Variants in LUC7L observed in about 807,000 individuals in gnomAD.
The protein encoded by LUC7L is LUC7 like, also known as putative RNA-binding protein Luc7-like 1.
In LUC7L, 29 loss-of-function variants were observed where a neutral mutation model predicts 51.1. The observed-to-expected ratio is 0.57, with a 90% CI of 0.42 to 0.77. The LOEUF (loss-of-function observed/expected upper bound fraction) is 0.77, where lower values mean the gene tolerates loss of function less well. Among genes scored for constraint, LUC7L ranks in the 30% least tolerant of loss-of-function variants. The pLI, the probability that LUC7L is intolerant of heterozygous loss-of-function variation, is 0.00. For synonymous variants in LUC7L, 181 were observed against 180.7 expected (o/e 1.00, Z -0.01); for missense variants, 403 against 511.9 (o/e 0.79, Z 2.05).
At chr16:190,433 C>G in intron 8 of LUC7L, 108 bp downstream of exon 8, 2 of 1,234,876 alleles carry the variant, frequency 1.6e-6, no homozygotes, top group Non-Finnish European at 2.4e-6. Context: ...CTTCACAAGC[C>G]AGCCCTACCT....
chr16:199,135 C>A lies in LUC7L; in HGVS notation c.614G>T (p.Arg205Leu), dbSNP rs1232659702. The stretch of plus-strand genomic sequence containing the variant: ...CTTGCCACCGAAGTGGTCTGCCAGG[C>A]GACGGTCATTGTCATGGAGACCAAG... Reference protein sequence around the residue: ...AYLGLHDNDRRLADHFGGKLH... With the variant: ...AYLGLHDNDRLLADHFGGKLH... Residue 205 changes from arginine to leucine, a missense_variant, in exon 6 of 10, where the codon CGC (arginine) becomes CTC (leucine). Transcript: ENST00000293872. 6.2e-7 allele frequency: 1 copy of A among 1,613,658 alleles called. No individual in the cohort carries two copies. The highest frequency in any genetic ancestry group is 1.3e-5 in the African/African-American group (1 of 74,922).
rs749893732 is a variant in LUC7L, at chr16:227,298, G to A, written c.100C>T (p.Arg34Cys). 15 of 1,612,174 alleles carry A rather than the reference G, an allele frequency of 9.3e-6. No individual in the cohort carries two copies. Among genetic ancestry groups the A allele is most frequent in the African/African-American group, 1.3e-5 (1 of 74,848 alleles). The change falls in exon 2 of 10, where the codon CGT becomes TGT. Residue 34 changes from arginine to cysteine, a missense_variant. This residue lies in a region of LUC7L where 182 missense variants were observed against 248.4 expected (regional missense o/e 0.73). Transcript: ENST00000293872. ...TCCAGAAGGTGACTCTTGCAGACACGGTCATCTGTAAACTTGACCCTCTGT... is the reference window on the plus strand; with the variant it reads ...TCCAGAAGGTGACTCTTGCAGACACAGTCATCTGTAAACTTGACCCTCTGT... ...TRQRVKFTDD[R>C]VCKSHLLDCC...
In LUC7L at chr16:190,540, C is replaced by A; in HGVS notation, c.806+1G>T. On this transcript the variant is annotated splice_donor_variant, in intron 8 of 9. Coordinates refer to ENST00000293872, the MANE Select transcript of LUC7L (RefSeq NM_201412.3). LOFTEE classifies it high-confidence loss of function. ...ACATTTTAATGGACCTGGAAACCTACCTCCTGCGATCTCTGGTTCTTGATC... is the reference window on the plus strand; with the variant it reads ...ACATTTTAATGGACCTGGAAACCTAACTCCTGCGATCTCTGGTTCTTGATC... 6.2e-7 allele frequency: 1 copy of A among 1,613,810 alleles called. No individual in the cohort carries two copies. Among genetic ancestry groups the A allele is most frequent in the Non-Finnish European group, 8.5e-7 (1 of 1,179,986 alleles).
Position 228,275 on chromosome 16 carries a change from T to C in LUC7L, c.62-939A>G, listed in dbSNP as rs1406963710. 4.6e-6 allele frequency: 6 copies of C among 1,301,678 alleles called. No homozygotes were observed. The East Asian group carries it at 2.2e-4, about 48-fold the overall frequency. The allele number at this position is 1,301,678 out of a possible 1,614,324, so 80.6% of individuals were successfully genotyped here. A position where few individuals can be genotyped will look rare whatever the true frequency, so the allele number is the denominator to read the frequency against. On this transcript the variant is annotated intron_variant, in intron 1 of 9. Coordinates refer to ENST00000293872, the MANE Select transcript of LUC7L (RefSeq NM_201412.3). The stretch of plus-strand genomic sequence containing the variant: ...TCTAAACTACACTTTTAAAGTTACT[T>C]GTGAAAAAAAGCAAACACTTTTTTG...
chr16:226,127 C>T (rs1354425015), intron 2 of LUC7L, among the ~76,000 whole-genome samples: 3 of 152,168 alleles, frequency 2.0e-5, no homozygotes, highest in Non-Finnish European at 4.4e-5. Context: ...GACAACACCC[C>T]AAGGAACAGA....
chr16:229,403 C>G lies in LUC7L; in HGVS notation c.-64G>C. ...TCTCTCAGGCAGGCGGTGGCAGCGGCGTCGACAAACGATGGTCGCGTCGGC... is the reference window on the plus strand; with the variant it reads ...TCTCTCAGGCAGGCGGTGGCAGCGGGGTCGACAAACGATGGTCGCGTCGGC... On this transcript the variant is annotated 5_prime_UTR_variant, in exon 1 of 10. Transcript: ENST00000293872. The G allele has an allele frequency of 7.3e-7, 1 of 1,370,320 alleles. No individual in the cohort carries two copies. The highest frequency in any genetic ancestry group is 9.6e-7 in the Non-Finnish European group (1 of 1,038,658). 84.9% of individuals were successfully genotyped at this position (1,370,320 alleles called of 1,614,324 possible).
chr16:212,822 G>C (rs1472501145), intron 3 of LUC7L, among the ~76,000 whole-genome samples: 2 of 151,396 alleles, frequency 1.3e-5, no homozygotes, highest in East Asian at 3.9e-4. Context: ...CTGTCACCCA[G>C]GCTAGAATAC....
chr16:202,788 C>A (rs1295953484), intron 5 of LUC7L, among the ~76,000 whole-genome samples: 1 of 151,916 alleles, frequency 6.6e-6, no homozygotes, highest in Non-Finnish European at 1.5e-5. Context: ...AGGAATAATA[C>A]AAACAACTCT....
chr16:199,468 T>C (rs999328714), intron 5 of LUC7L, among the ~76,000 whole-genome samples: 2 of 152,118 alleles, frequency 1.3e-5, no homozygotes, highest in African/African-American at 2.4e-5. Flanking sequence ...GGGCGGACCA[T>C]GTGGTCAAGA....
rs1330534534 is a variant in LUC7L at position 199,098 on chromosome 16, C to A, written c.651G>T (p.Gly217=). 1 of 1,613,348 alleles carries A rather than the reference C, an allele frequency of 6.2e-7. No individual in the cohort carries two copies. The highest frequency in any genetic ancestry group is 1.3e-5 in the African/African-American group (1 of 74,930). The part of the protein sequence containing the change: ...ADHFGGKLHL[G]FIQIREKLDQ... The stretch of plus-strand genomic sequence containing the variant: ...CAAGCTTCTCTCGGATCTGAATGAA[C>A]CCCAAGTGTAACTTGCCACCGAAGT... Residue 217 remains glycine (G), a synonymous_variant, in exon 6 of 10, where the codon GGG becomes GGT. Transcript: ENST00000293872.
chr16:197,997 G>A (rs958559886), intron 6 of LUC7L, among the ~76,000 whole-genome samples: 7 of 152,062 alleles, frequency 4.6e-5, no homozygotes, highest in East Asian at 1.9e-4. Flanking sequence ...GGCCGGGTGC[G>A]GTGGCTCACG....
chr16:227,989 A>C (rs542443018), intron 1 of LUC7L: 2 of 1,107,912 alleles, frequency 1.8e-6, no homozygotes, highest in South Asian at 4.6e-5. Context: ...TACTGTACCC[A>C]TCTGCATTCT....
chr16:204,169 C>T (rs535013810), intron 5 of LUC7L, among the ~76,000 whole-genome samples: 4 of 151,964 alleles, frequency 2.6e-5, no homozygotes, highest in East Asian at 1.9e-4. Flanking sequence ...AATGGCCTGG[C>T]GAAGTGGCTC....
At chr16:218,765 C>T (rs935989690) in intron 3 of LUC7L, among the ~76,000 whole-genome samples, 1 of 151,056 alleles carries the variant, frequency 6.6e-6, no homozygotes, top group Non-Finnish European at 1.5e-5. Flanking sequence ...CTGGGGGCAA[C>T]AACGAAAAAA....
intron 3 of LUC7L, among the ~76,000 whole-genome samples, chr16:212,797 C>T (rs77006092): frequency 1.3e-5 from 2 of 149,380 alleles, no homozygotes; most frequent in Non-Finnish European, 3.0e-5. Flanking sequence ...TTTTTTTTCC[C>T]GAGAGGATCT....
chr16:191,360 A>G (rs1282898231), intron 7 of LUC7L, among the ~76,000 whole-genome samples: 1 of 152,252 alleles, frequency 6.6e-6, no homozygotes, highest in Non-Finnish European at 1.5e-5. Flanking sequence ...GAAAAAGGCA[A>G]GCTATGAGGC....
intron 5 of LUC7L, among the ~76,000 whole-genome samples, chr16:204,466 C>T (rs534848176): frequency 1.3e-5 from 2 of 151,768 alleles, no homozygotes; most frequent in Admixed American, 1.3e-4. Context: ...TGGTGGTGGG[C>T]GCCTGTAGTC....
chr16:201,880 A>G (rs1319597086), intron 5 of LUC7L, among the ~76,000 whole-genome samples: 1 of 149,636 alleles, frequency 6.7e-6, no homozygotes, highest in African/African-American at 2.5e-5. Context: ...AGTAGCTGGG[A>G]TTACAGGTGC....
intron 6 of LUC7L, among the ~76,000 whole-genome samples, chr16:194,104 C>CTT (rs1226015539): frequency 7.0e-6 from 1 of 143,340 alleles, no homozygotes; most frequent in Non-Finnish European, 1.5e-5. Context: ...CGCTTGGCCA[C>CTT]TTTTTTTTTT....
Sources: allele counts gnomAD v4.1 joint callset (sites outside exome capture counted in the v4.1 genomes callset), GRCh38; gene constraint gnomAD v4.1.1; regional missense constraint gnomAD v4.1.1; transcripts MANE v1.5; gene names NCBI Gene and HGNC (gene_info 2026-07-23, HGNC 2026-07-21).